PTGES3: variants seen among roughly 807,000 people sequenced by gnomAD.
PTGES3 encodes Hsp90 co-chaperone.
PTGES3 carries 5 observed loss-of-function variants against 29.9 expected under a neutral mutation model. That is an observed-to-expected ratio of 0.17 (90% CI 0.09 to 0.35). PTGES3 has a LOEUF of 0.35. PTGES3 is among the 10% of genes least tolerant of loss of function. The probability of loss-of-function intolerance (pLI) is 1.00; values close to 1 mark genes in which losing one functional copy is unlikely to be tolerated. For synonymous variants in PTGES3, 49 were observed against 57.8 expected (o/e 0.85, Z 0.69); for missense variants, 128 against 190.0 (o/e 0.67, Z 1.92).
At position 56,684,369 on chromosome 12, in the gene PTGES3, C is replaced by T. The variant is rs376707737; in HGVS notation, c.2+3629G>A. On this transcript the variant is annotated intron_variant, in intron 1 of 7. Coordinates refer to ENST00000262033, the MANE Select transcript of PTGES3 (RefSeq NM_006601.7). ...GGAAGAAAAATTAAAAATCCAGTTG[C>T]CAGGTTACAGTGCACAGGAAATCAA... Among the ~76,000 whole-genome samples the T allele has an allele frequency of 5.3e-5, 8 of 152,138 alleles. No homozygotes were observed. The South Asian group carries it at 1.7e-3, about 31-fold the overall frequency.
chr12:56,684,858 GTAAC>G (rs1303248636), intron 1 of PTGES3, among the ~76,000 whole-genome samples: 1 of 152,144 alleles, frequency 6.6e-6, no homozygotes, highest in Non-Finnish European at 1.5e-5. Flanking sequence ...TTAAAGAAAT[GTAAC>G]TACGAAATCG....
chr12:56,687,186 G>A (rs1176346069), intron 1 of PTGES3: 4 of 1,058,490 alleles, frequency 3.8e-6, no homozygotes, highest in East Asian at 5.3e-5. Flanking sequence ...ACGACTGTAG[G>A]TTAATTAAAT....
intron 4 of PTGES3, among the ~76,000 whole-genome samples, chr12:56,671,375 G>T (rs564005089): frequency 2.0e-5 from 3 of 152,184 alleles, no homozygotes. Flanking sequence ...CTCCAGCCTG[G>T]GTGACAAAGA....
chr12:56,679,741 C>T (rs943457354), intron 1 of PTGES3, among the ~76,000 whole-genome samples: 11 of 152,082 alleles, frequency 7.2e-5, no homozygotes, highest in African/African-American at 2.2e-4. Context: ...GTGGCATGAT[C>T]TTGGCTCACC....
intron 1 of PTGES3, chr12:56,687,535 G>A (rs1952935677): frequency 3.0e-6 from 3 of 1,006,418 alleles, no homozygotes; most frequent in East Asian, 1.0e-4. Context: ...GCTCTCCCAG[G>A]AGCTCCGCCA....
chr12:56,687,882 G>T, intron 1 of PTGES3, 116 bp downstream of exon 1: 1 of 1,578,292 alleles, frequency 6.3e-7, no homozygotes, highest in Non-Finnish European at 8.5e-7. Flanking sequence ...CCCGCCCCCA[G>T]GCAGGAACGA....
intron 1 of PTGES3, chr12:56,687,446 G>A (rs781773225): frequency 8.1e-6 from 8 of 988,402 alleles, no homozygotes; most frequent in South Asian, 4.6e-5. Flanking sequence ...CACTGGAGAG[G>A]GAAGTATGTT....
chr12:56,673,729 G>T (rs1419875013), intron 1 of PTGES3, among the ~76,000 whole-genome samples: 3 of 148,298 alleles, frequency 2.0e-5, no homozygotes, highest in Non-Finnish European at 4.4e-5. Context: ...GGAGGCGGAG[G>T]TTGCAATGAG....
Position 56,672,763 on chromosome 12 carries a change from G to T in PTGES3, c.163C>A (p.Leu55Ile). The change falls in exon 3 of 8, where the codon CTT becomes ATT. Residue 55 changes from leucine (L) to isoleucine (I), a missense_variant. Transcript: ENST00000262033. Reference sequence around the variant, plus strand: ...ACATTTGGATCAATACAGTGAAAAAGATCAATTTCATTTAAATGCTTAAAA... The same window carrying T: ...ACATTTGGATCAATACAGTGAAAAATATCAATTTCATTTAAATGCTTAAAA... The part of the protein sequence containing the change: ...DNFKHLNEID[L>I]FHCIDPNDSK... 1 of 1,587,132 alleles carries T rather than the reference G, an allele frequency of 6.3e-7. No individual in the cohort carries two copies.
At chr12:56,684,228 G>A (rs1203433933) in intron 1 of PTGES3, among the ~76,000 whole-genome samples, 4 of 152,146 alleles carry the variant, frequency 2.6e-5, no homozygotes, top group African/African-American at 4.8e-5. Context: ...TTTTTAAACC[G>A]AGAAAATCCA....
chr12:56,666,019 A>G (rs1036689617), intron 6 of PTGES3, 185 bp downstream of exon 6: 12 of 1,364,958 alleles, frequency 8.8e-6, no homozygotes, highest in Non-Finnish European at 1.0e-5. Flanking sequence ...CTACGGTACA[A>G]CCAGTTCCCT....
At chr12:56,687,178 G>A (rs1952913948) in intron 1 of PTGES3, 10 of 1,035,824 alleles carry the variant, frequency 9.7e-6, no homozygotes, top group South Asian at 4.8e-5. Context: ...TCTTTGGGAC[G>A]ACTGTAGGTT....
intron 6 of PTGES3, chr12:56,665,333 T>A (rs1951744787): frequency 1.0e-6 from 1 of 968,950 alleles, no homozygotes; most frequent in Admixed American, 6.5e-5. Context: ...TCTTGCTCTG[T>A]CACCCAGGCT....
chr12:56,665,284 C>CT (rs59007550), intron 6 of PTGES3: 10,041 of 802,788 alleles, frequency 0.013, 23 homozygotes, highest in African/African-American at 0.018. Context: ...CAATGTCCAT[C>CT]TTTTTTTTTT....
intron 1 of PTGES3, chr12:56,687,166 G>T: frequency 9.8e-7 from 1 of 1,025,190 alleles, no homozygotes; most frequent in Non-Finnish European, 1.2e-6. Flanking sequence ...ACAAATTTAA[G>T]ATCTTTGGGA....
chr12:56,685,573 TG>T (rs1952800613), intron 1 of PTGES3, among the ~76,000 whole-genome samples: 1 of 150,656 alleles, frequency 6.6e-6, no homozygotes, highest in Admixed American at 6.6e-5. Flanking sequence ...GCTAATTTTT[TG>T]TATTTTTAGT....
At chr12:56,666,906 C>T (rs375937022) in intron 5 of PTGES3, among the ~76,000 whole-genome samples, 1 of 146,976 alleles carries the variant, frequency 6.8e-6, no homozygotes, top group African/African-American at 2.5e-5. Context: ...GGATTACAGG[C>T]GTGAACCACC....
chr12:56,687,897 C>T lies in PTGES3; in HGVS notation c.2+101G>A, dbSNP rs980916378. On this transcript the variant is annotated intron_variant, in intron 1 of 7. Transcript: ENST00000262033. ...CCCGCCCCCAGGCAGGAACGACTGC[C>T]ACCACCGATGCGAGAAAGGCTAGGG... is the stretch of plus-strand genomic sequence containing the variant. The T allele has an allele frequency of 1.1e-5, 17 of 1,593,890 alleles. No homozygotes were observed. The African/African-American group carries it at 1.5e-4, about 14-fold the overall frequency.
At chr12:56,679,964 C>T (rs1952449207) in intron 1 of PTGES3, among the ~76,000 whole-genome samples, 1 of 151,724 alleles carries the variant, frequency 6.6e-6, no homozygotes, top group South Asian at 2.1e-4. Context: ...CATGAGCCAC[C>T]GCACCCAGCC....
Sources: allele counts gnomAD v4.1 joint callset (sites outside exome capture counted in the v4.1 genomes callset), GRCh38; gene constraint gnomAD v4.1.1; transcripts MANE v1.5; gene names NCBI Gene and HGNC (gene_info 2026-07-23, HGNC 2026-07-21).